The following PECR variants were observed in gnomAD, a reference collection of about 807,000 sequenced individuals.
PECR encodes the protein 2,4-dienoyl-CoA reductase-related protein.
A neutral mutation model predicts 35.3 loss-of-function variants in PECR; 30 were observed. The ratio of observed to expected loss-of-function variants is 0.85; its 90% CI spans 0.64 to 1.15. PECR has a LOEUF of 1.15. Among genes scored for constraint, PECR ranks in the 50% most tolerant of loss-of-function variants. The pLI, the probability that PECR is intolerant of heterozygous loss-of-function variation, is 0.00. For missense variants in PECR, 392 were observed against 370.8 expected (o/e 1.06, Z -0.47); for synonymous variants, 148 against 138.9 (o/e 1.07, Z -0.46).
chr2:216,073,096 A>G (rs939119651), intron 1 of PECR, among the ~76,000 whole-genome samples: 3 of 152,254 alleles, frequency 2.0e-5, no homozygotes, highest in East Asian at 1.9e-4. Flanking sequence ...AAGATTCACC[A>G]TAAGTTCCTT....
intron 7 of PECR, among the ~76,000 whole-genome samples, chr2:216,029,447 C>G (rs966096904): frequency 7.0e-6 from 1 of 142,908 alleles, no homozygotes; most frequent in Non-Finnish European, 1.5e-5. Context: ...CACTGCACTC[C>G]GCCTGGCGAG....
At chr2:216,076,801 A>C (rs1695709917) in intron 1 of PECR, among the ~76,000 whole-genome samples, 1 of 152,158 alleles carries the variant, frequency 6.6e-6, no homozygotes, top group African/African-American at 2.4e-5. Flanking sequence ...TTCCATCTCA[A>C]TAAATAAATA....
At chr2:216,077,130 C>T (rs1695719819) in intron 1 of PECR, among the ~76,000 whole-genome samples, 1 of 151,992 alleles carries the variant, frequency 6.6e-6, no homozygotes, top group African/African-American at 2.4e-5. Flanking sequence ...AACTCCCAAC[C>T]TCAGGTGGCC....
intron 4 of PECR, 136 bp from the exon 5 acceptor site, chr2:216,051,681 TTC>T: frequency 1.4e-6 from 1 of 713,682 alleles, no homozygotes; most frequent in East Asian, 2.7e-5. Context: ...CTTGTTGAGC[TTC>T]TGTCTAAACA....
intron 3 of PECR, among the ~76,000 whole-genome samples, chr2:216,062,159 C>G (rs1003139148): frequency 6.6e-6 from 1 of 151,818 alleles, no homozygotes; most frequent in African/African-American, 2.4e-5. Context: ...AATTCTCCTG[C>G]CTCAGCCTCC....
chr2:216,048,484 C>T (rs948897800), intron 6 of PECR, among the ~76,000 whole-genome samples: 22 of 150,886 alleles, frequency 1.5e-4, no homozygotes, highest in African/African-American at 3.4e-4. Context: ...CTGAGGTGGG[C>T]GTATCACTTA....
intron 1 of PECR, among the ~76,000 whole-genome samples, chr2:216,077,303 G>C (rs1026015631): frequency 1.3e-5 from 2 of 149,502 alleles, no homozygotes; most frequent in African/African-American, 5.0e-5. Flanking sequence ...TCAAGAGATC[G>C]AGACCATCCT....
intron 1 of PECR, 66 bp from the exon 2 acceptor site, chr2:216,066,584 T>C (rs535387802): frequency 6.8e-7 from 1 of 1,473,598 alleles, no homozygotes; most frequent in East Asian, 2.3e-5. Flanking sequence ...ACATTACACC[T>C]TGAAAAGTAA....
chr2:216,046,848 T>C (rs894942121), intron 6 of PECR, among the ~76,000 whole-genome samples: 2 of 152,182 alleles, frequency 1.3e-5, no homozygotes, highest in African/African-American at 4.8e-5. Context: ...ATAATGTTCA[T>C]TGCAGAATTA....
downstream of PECR, among the ~76,000 whole-genome samples, chr2:216,036,510 G>C (rs1267763027): frequency 6.6e-6 from 1 of 152,234 alleles, no homozygotes; most frequent in African/African-American, 2.4e-5. Context: ...GCACCAGCAG[G>C]AGGAGAGAGA....
In PECR at chr2:216,051,396, G is replaced by A; in HGVS notation, c.603+53C>T. On this transcript the variant is annotated intron_variant, in intron 5 of 7. Coordinates refer to ENST00000265322, the MANE Select transcript of PECR (RefSeq NM_018441.6). ...AAATACCTCTATCAACATCACAAATGGAATCAGAAAGCATAATTTGTCAAT... is the reference window on the plus strand; with the variant it reads ...AAATACCTCTATCAACATCACAAATAGAATCAGAAAGCATAATTTGTCAAT... The A allele has an allele frequency of 2.9e-6, 3 of 1,044,850 alleles. No homozygotes were observed. The South Asian group carries it at 3.8e-5, about 13-fold the overall frequency. 64.7% of individuals were successfully genotyped at this position (1,044,850 alleles called of 1,614,324 possible). A position where few individuals can be genotyped will look rare whatever the true frequency, so the allele number is the denominator to read the frequency against.
intron 3 of PECR, among the ~76,000 whole-genome samples, chr2:216,063,162 T>C (rs1695392145): frequency 6.6e-6 from 1 of 152,244 alleles, no homozygotes; most frequent in Non-Finnish European, 1.5e-5. Flanking sequence ...TTTCTGGCAG[T>C]GATATCTGGC....
chr2:216,051,299 A>G lies in PECR; in HGVS notation c.603+150T>C, dbSNP rs536353942. 877 of 627,062 alleles carry G rather than the reference A, an allele frequency of 1.4e-3. 6 individuals carry two copies. The highest frequency in any genetic ancestry group is 0.013 in the African/African-American group (692 of 53,538). The allele number at this position is 627,062 out of a possible 1,614,324, so 38.8% of individuals were successfully genotyped here. A position where few individuals can be genotyped will look rare whatever the true frequency, so the allele number is the denominator to read the frequency against. Reference sequence around the variant, plus strand: ...TCCATCTCAAAAAAAAAAAAAAAAAAAAAAGAAAATTAGGCTTTCCATTTT... The same window carrying G: ...TCCATCTCAAAAAAAAAAAAAAAAAGAAAAGAAAATTAGGCTTTCCATTTT... On this transcript the variant is annotated intron_variant, in intron 5 of 7. Transcript: ENST00000265322.
chr2:216,069,404 T>G (rs1695541952), intron 1 of PECR, among the ~76,000 whole-genome samples: 1 of 152,190 alleles, frequency 6.6e-6, no homozygotes, highest in Admixed American at 6.5e-5. Flanking sequence ...AAGGGGGGAC[T>G]GGCCAACAAA....
In PECR at chr2:216,081,776, G is replaced by C. The variant is rs1174967560; in HGVS notation, c.-35C>G. ...GGGGTGCCAGAGCAGCTGAGCGCAGGCCCTTCTGGGTCTCAGGGACATTCG... is the reference window on the plus strand; with the variant it reads ...GGGGTGCCAGAGCAGCTGAGCGCAGCCCCTTCTGGGTCTCAGGGACATTCG... On this transcript the variant is annotated 5_prime_UTR_variant, in exon 1 of 8. Transcript: ENST00000265322. 1 of 1,608,404 alleles carries C rather than the reference G, an allele frequency of 6.2e-7. No homozygotes were observed. The highest frequency in any genetic ancestry group is 8.5e-7 in the Non-Finnish European group (1 of 1,179,124).
intron 1 of PECR, among the ~76,000 whole-genome samples, chr2:216,071,837 C>A (rs750801402): frequency 1.3e-5 from 2 of 152,130 alleles, no homozygotes; most frequent in Non-Finnish European, 2.9e-5. Context: ...TCTTTAGGTC[C>A]CTTCAGGTCT....
In PECR at chr2:216,038,995, T is replaced by C; in HGVS notation, c.*280A>G. ...CCCTAGAATTATCATTGATTTAAAA[T>C]TATTCCATTTTTCAAATACTTTTCT... is the stretch of plus-strand genomic sequence containing the variant. On this transcript the variant is annotated 3_prime_UTR_variant, in exon 8 of 8. Transcript: ENST00000265322. 1 of 310,802 alleles carries C rather than the reference T, an allele frequency of 3.2e-6. No individual in the cohort carries two copies. The highest frequency in any genetic ancestry group is 4.6e-5 in the Admixed American group (1 of 21,814). 19.3% of individuals were successfully genotyped at this position (310,802 alleles called of 1,614,324 possible).
chr2:216,046,326 T>G (rs1694995096), intron 6 of PECR, among the ~76,000 whole-genome samples: 1 of 141,506 alleles, frequency 7.1e-6, no homozygotes, highest in African/African-American at 2.6e-5. Flanking sequence ...TTTTTTTTTT[T>G]TTTTGAGAAG....
intron 1 of PECR, among the ~76,000 whole-genome samples, chr2:216,079,965 G>C (rs1266706935): frequency 7.1e-6 from 1 of 141,224 alleles, no homozygotes; most frequent in African/African-American, 2.6e-5. Flanking sequence ...TGGGCAACAA[G>C]AGCGAAACTC....
Sources: allele counts gnomAD v4.1 joint callset (sites outside exome capture counted in the v4.1 genomes callset), GRCh38; gene constraint gnomAD v4.1.1; transcripts MANE v1.5; gene names NCBI Gene and HGNC (gene_info 2026-07-23, HGNC 2026-07-21).